The following PCDH9 variants were observed in gnomAD, a reference collection of about 807,000 sequenced individuals.
PCDH9 encodes the protein protocadherin-9.
PCDH9 carries 24 observed loss-of-function variants against 70.6 expected under a neutral mutation model. The ratio of observed to expected loss-of-function variants is 0.34; its 90% CI spans 0.25 to 0.48. The LOEUF (loss-of-function observed/expected upper bound fraction) is 0.48. PCDH9 is among the 20% of genes least tolerant of loss of function. PCDH9 has a pLI of 0.99. For missense variants in PCDH9, 1,281 were observed against 1,503.6 expected (o/e 0.85, Z 2.45); for synonymous variants, 562 against 558.5 (o/e 1.01, Z -0.09).
intron 4 of PCDH9, among the ~76,000 whole-genome samples, chr13:66,502,214 T>A (rs1474520874): frequency 6.6e-6 from 1 of 152,136 alleles, no homozygotes; most frequent in East Asian, 1.9e-4. Context: ...CAAGTAAACA[T>A]TCTTCTTTTG....
intron 4 of PCDH9, among the ~76,000 whole-genome samples, chr13:66,344,871 C>T: frequency 6.6e-6 from 1 of 152,168 alleles, no homozygotes; most frequent in East Asian, 1.9e-4. Flanking sequence ...ACTGCTGACA[C>T]ATGAATGGGA....
At chr13:66,797,321 T>A (rs147853701) in intron 3 of PCDH9, among the ~76,000 whole-genome samples, 1 of 152,180 alleles carries the variant, frequency 6.6e-6, no homozygotes, top group African/African-American at 2.4e-5. Flanking sequence ...TTGGGGTTGA[T>A]AATGATTTAT....
intron 4 of PCDH9, among the ~76,000 whole-genome samples, chr13:66,575,110 T>C (rs1333513161): frequency 2.0e-5 from 3 of 150,230 alleles, no homozygotes; most frequent in Admixed American, 1.3e-4. Flanking sequence ...GAAGCAGAGG[T>C]TGTGGTGAGC....
chr13:66,707,578 T>A (rs1245563829), intron 3 of PCDH9, among the ~76,000 whole-genome samples: 2 of 152,184 alleles, frequency 1.3e-5, no homozygotes, highest in Non-Finnish European at 2.9e-5. Context: ...TCAACTGGGA[T>A]AATAAACATT....
At chr13:66,993,232 A>G (rs982929095) in intron 2 of PCDH9, among the ~76,000 whole-genome samples, 4 of 152,234 alleles carry the variant, frequency 2.6e-5, no homozygotes, top group African/African-American at 9.6e-5. Flanking sequence ...AAAAGAATAA[A>G]TGAACATATA....
At chr13:67,078,743 T>C (rs2085926997) in intron 2 of PCDH9, among the ~76,000 whole-genome samples, 1 of 152,204 alleles carries the variant, frequency 6.6e-6, no homozygotes, top group Non-Finnish European at 1.5e-5. Context: ...CATGCCTTAC[T>C]ATCTTTGTAA....
At chr13:67,112,963 C>T (rs1039963995) in intron 2 of PCDH9, among the ~76,000 whole-genome samples, 2 of 152,096 alleles carry the variant, frequency 1.3e-5, no homozygotes, top group Non-Finnish European at 2.9e-5. Context: ...TTTCTTATCA[C>T]TTGATTAAAA....
At chr13:66,933,465 C>A (rs2082850160) in intron 2 of PCDH9, among the ~76,000 whole-genome samples, 1 of 152,124 alleles carries the variant, frequency 6.6e-6, no homozygotes, top group Non-Finnish European at 1.5e-5. Context: ...CCAAAAAATA[C>A]AGCCAAGTTT....
At chr13:66,759,941 G>A in intron 3 of PCDH9, among the ~76,000 whole-genome samples, 1 of 152,102 alleles carries the variant, frequency 6.6e-6, no homozygotes, top group East Asian at 1.9e-4. Flanking sequence ...TTAGCAGTAA[G>A]TTGTTCTGTG....
intron 3 of PCDH9, among the ~76,000 whole-genome samples, chr13:66,728,973 C>T (rs556528169): frequency 6.6e-6 from 1 of 151,956 alleles, no homozygotes. Flanking sequence ...GTAATAATCA[C>T]TTAATTTTCA....
chr13:66,850,478 T>G (rs2139453469), intron 3 of PCDH9, among the ~76,000 whole-genome samples: 1 of 149,368 alleles, frequency 6.7e-6, no homozygotes, highest in Admixed American at 6.7e-5. Context: ...GCCACTGCAC[T>G]CCAGCCTGGG....
intron 4 of PCDH9, among the ~76,000 whole-genome samples, chr13:66,622,619 C>T (rs1257506333): frequency 1.3e-5 from 2 of 152,170 alleles, no homozygotes; most frequent in South Asian, 2.1e-4. Context: ...CACTCTGTAT[C>T]TAGCTAATCT....
intron 3 of PCDH9, among the ~76,000 whole-genome samples, chr13:66,727,856 A>T (rs2079025883): frequency 6.6e-6 from 1 of 152,118 alleles, no homozygotes; most frequent in Non-Finnish European, 1.5e-5. Context: ...AAATTAAATG[A>T]TGTTAAGGCA....
intron 2 of PCDH9, among the ~76,000 whole-genome samples, chr13:66,913,921 A>G (rs1223228085): frequency 6.6e-5 from 10 of 152,012 alleles, no homozygotes; most frequent in Non-Finnish European, 1.5e-4. Context: ...AGAGAAAAAC[A>G]CCATAATCAA....
chr13:66,478,510 A>C (rs917390431), intron 4 of PCDH9, among the ~76,000 whole-genome samples: 5 of 152,190 alleles, frequency 3.3e-5, no homozygotes, highest in Non-Finnish European at 1.5e-5. Flanking sequence ...TGCAAAGGGA[A>C]AGTTATTGAA....
intron 4 of PCDH9, among the ~76,000 whole-genome samples, chr13:66,573,737 TTTTGTTTGTTTG>T (rs71205596): frequency 1.3e-4 from 19 of 151,156 alleles, no homozygotes; most frequent in African/African-American, 4.4e-4. Flanking sequence ...AGTTGGGTTT[TTTTGTTTGTTTG>T]TTTGTTTGTT....
At chr13:66,401,343 T>C (rs910907737) in intron 4 of PCDH9, among the ~76,000 whole-genome samples, 2 of 124,110 alleles carry the variant, frequency 1.6e-5, no homozygotes, top group African/African-American at 6.9e-5. Context: ...GATCTGATGG[T>C]TTTATGAGTT....
intron 4 of PCDH9, among the ~76,000 whole-genome samples, chr13:66,458,843 A>G (rs903573262): frequency 6.6e-6 from 1 of 152,052 alleles, no homozygotes; most frequent in South Asian, 2.1e-4. Context: ...ACTCTAATTC[A>G]AATTATACCA....
At chr13:66,718,643 T>A (rs957879151) in intron 3 of PCDH9, among the ~76,000 whole-genome samples, 2 of 152,154 alleles carry the variant, frequency 1.3e-5, no homozygotes, top group Non-Finnish European at 2.9e-5. Flanking sequence ...AGAAAGTGTA[T>A]GGTTAAGTTA....
Sources: allele counts gnomAD v4.1 joint callset (sites outside exome capture counted in the v4.1 genomes callset), GRCh38; gene constraint gnomAD v4.1.1; transcripts MANE v1.5; gene names NCBI Gene and HGNC (gene_info 2026-07-23, HGNC 2026-07-21).